GREB1: variants seen among roughly 807,000 people sequenced by gnomAD.
The protein encoded by GREB1 is protein GREB1.
In GREB1, 106 loss-of-function variants were observed where a neutral mutation model predicts 200.7. That is an observed-to-expected ratio of 0.53 (90% CI 0.45 to 0.62). GREB1 has a LOEUF of 0.62. GREB1 is among the 20% of genes least tolerant of loss of function. The pLI is 0.00. For synonymous variants in GREB1, 1,132 were observed against 1,092.4 expected (o/e 1.04, Z -0.72); for missense variants, 2,243 against 2,556.8 (o/e 0.88, Z 2.65).
At chr2:11,522,195 T>C (rs577504337) in intron 1 of GREB1, among the ~76,000 whole-genome samples, 1 of 152,226 alleles carries the variant, frequency 6.6e-6, no homozygotes, top group African/African-American at 2.4e-5. Flanking sequence ...GTGTTAACAT[T>C]AATTCTAAAT....
chr2:11,605,504 G>T (rs138283119), intron 17 of GREB1, among the ~76,000 whole-genome samples: 1 of 152,088 alleles, frequency 6.6e-6, no homozygotes, highest in Non-Finnish European at 1.5e-5. Context: ...GATTACAGGC[G>T]TGAGCCACCG....
intron 30 of GREB1, 29 bp downstream of exon 30, chr2:11,635,434 T>C (rs1263065230): frequency 6.3e-7 from 1 of 1,579,838 alleles, no homozygotes; most frequent in African/African-American, 1.3e-5. Context: ...GGCAGGCCTC[T>C]ATGTCCACCG....
At chr2:11,542,137 A>T (rs1342520164) in intron 1 of GREB1, among the ~76,000 whole-genome samples, 1 of 152,116 alleles carries the variant, frequency 6.6e-6, no homozygotes, top group Non-Finnish European at 1.5e-5. Context: ...CTTAGCAACA[A>T]GTGGTAATGA....
chr2:11,639,730 C>T (rs1685670218), intron 32 of GREB1, among the ~76,000 whole-genome samples: 1 of 152,200 alleles, frequency 6.6e-6, no homozygotes, highest in Admixed American at 6.5e-5. Flanking sequence ...AGAGGTTTTA[C>T]AGCAGTCTCT....
chr2:11,536,756 CA>C lies in GREB1; in HGVS notation c.-162+2506del, dbSNP rs200684748. On this transcript the variant is annotated intron_variant, in intron 1 of 32. Transcript: ENST00000381486. ...AGGTACCTCATTGCTATTTTCACAT[CA>C]AAAGCCTATTTTTGACAGTAATTAG... 8.0e-3 allele frequency among the ~76,000 whole-genome samples: 1,211 copies of C among 151,624 alleles called. 14 individuals are homozygous for C. Among genetic ancestry groups the C allele is most frequent in the African/African-American group, 0.028 (1,154 of 41,022 alleles).
intron 1 of GREB1, among the ~76,000 whole-genome samples, chr2:11,511,520 G>A (rs771968442): frequency 3.9e-5 from 6 of 152,142 alleles, no homozygotes; most frequent in Non-Finnish European, 5.9e-5. Flanking sequence ...CATATTAGGG[G>A]TGGGTGGAGA....
chr2:11,602,094 A>C (rs914575807), intron 16 of GREB1, among the ~76,000 whole-genome samples: 5 of 152,238 alleles, frequency 3.3e-5, no homozygotes, highest in Non-Finnish European at 1.5e-5. Context: ...AGATTGTAGA[A>C]AGAAGCAAAT....
At chr2:11,596,939 C>T (rs1402360238) in intron 13 of GREB1, among the ~76,000 whole-genome samples, 5 of 147,724 alleles carry the variant, frequency 3.4e-5, no homozygotes, top group East Asian at 2.0e-4. Context: ...GGGGCGGGGG[C>T]GCAGGTGTGC....
intron 10 of GREB1, 73 bp downstream of exon 10, chr2:11,589,004 T>C: frequency 8.4e-7 from 1 of 1,189,062 alleles, no homozygotes; most frequent in Non-Finnish European, 1.2e-6. Context: ...GCCTCGGCCC[T>C]CGTGGGGGCT....
At chr2:11,517,807 A>C (rs1054002629) in intron 1 of GREB1, among the ~76,000 whole-genome samples, 35 of 152,172 alleles carry the variant, frequency 2.3e-4, no homozygotes, top group South Asian at 1.2e-3. Context: ...GCCCGCCGCC[A>C]TGCCCGGCTA....
intron 15 of GREB1, among the ~76,000 whole-genome samples, chr2:11,599,575 C>T (rs1238420255): frequency 2.7e-5 from 4 of 146,730 alleles, no homozygotes; most frequent in African/African-American, 1.0e-4. Context: ...GCTTGGAGTG[C>T]AGTGGCACGA....
At chr2:11,589,114 A>G (rs1450915109) in intron 10 of GREB1, among the ~76,000 whole-genome samples, 183 bp downstream of exon 10, 1 of 152,178 alleles carries the variant, frequency 6.6e-6, no homozygotes, top group Non-Finnish European at 1.5e-5. Context: ...GGGGGGCTGA[A>G]AGTAGGTTGA....
rs562244634 is a variant in GREB1, at chr2:11,603,170, A to G, written c.2666+628A>G. On this transcript the variant is annotated intron_variant, in intron 17 of 32. Transcript: ENST00000381486. Reference sequence around the variant, plus strand: ...CAACAGACCTCATTTTATAGATGAAATTGAGGCTCAGACAGGCTAAGTGAT... The same window carrying G: ...CAACAGACCTCATTTTATAGATGAAGTTGAGGCTCAGACAGGCTAAGTGAT... 4.3e-4 allele frequency among the ~76,000 whole-genome samples: 65 copies of G among 152,338 alleles called. 1 individual carries two copies. The South Asian group carries it at 0.013, about 31-fold the overall frequency.
Position 11,571,811 on chromosome 2 carries a change from C to T in GREB1, c.455-4542C>T, listed in dbSNP as rs192357249. On this transcript the variant is annotated intron_variant, in intron 4 of 32. Transcript: ENST00000381486. ...CTGCAAGCTCCACCTCCTGGGTTCA[C>T]GCCATTCTCCTGCCTCAGCCTCCTG... 7.0e-3 allele frequency among the ~76,000 whole-genome samples: 1,068 copies of T among 152,158 alleles called. 8 individuals are homozygous for T. The highest frequency in any genetic ancestry group is 0.024 in the African/African-American group (1,015 of 41,520).
chr2:11,584,397 G>T (rs76219154), intron 7 of GREB1, among the ~76,000 whole-genome samples: 77 of 152,330 alleles, frequency 5.1e-4, no homozygotes, highest in African/African-American at 1.8e-3. Context: ...TAGCTTTCCA[G>T]GCTGGGGCAG....
At chr2:11,483,343 A>T (rs79547196) in intron 1 of GREB1, among the ~76,000 whole-genome samples, 3 of 100,372 alleles carry the variant, frequency 3.0e-5, no homozygotes, top group East Asian at 3.7e-4. Flanking sequence ...TGTGTGTGTG[A>T]GAGAGAGAGA....
chr2:11,540,855 G>A (rs1188477348), intron 1 of GREB1, among the ~76,000 whole-genome samples: 1 of 152,198 alleles, frequency 6.6e-6, no homozygotes, highest in Non-Finnish European at 1.5e-5. Flanking sequence ...CCACATTACT[G>A]GAGCACCCCA....
intron 1 of GREB1, among the ~76,000 whole-genome samples, chr2:11,525,325 T>C (rs56714132): frequency 0.071 from 10,726 of 151,836 alleles, 1,368 homozygotes; most frequent in African/African-American, 0.25. Context: ...GCCAACATGG[T>C]GAAACCCCAT....
At chr2:11,590,370 C>T (rs1680608689) in intron 10 of GREB1, among the ~76,000 whole-genome samples, 1 of 152,172 alleles carries the variant, frequency 6.6e-6, no homozygotes, top group Non-Finnish European at 1.5e-5. Flanking sequence ...ATCAGTCGCT[C>T]ACTCCACCCC....
Sources: allele counts gnomAD v4.1 joint callset (sites outside exome capture counted in the v4.1 genomes callset), GRCh38; gene constraint gnomAD v4.1.1; transcripts MANE v1.5; gene names NCBI Gene and HGNC (gene_info 2026-07-23, HGNC 2026-07-21).